Variants in ABHD12 observed in about 807,000 individuals in gnomAD.
ABHD12 encodes abhydrolase domain containing 12, lysophospholipase, also known as lysophosphatidylserine lipase ABHD12.
In ABHD12, 43 loss-of-function variants were observed where a neutral mutation model predicts 58.3. The ratio of observed to expected loss-of-function variants is 0.74; its 90% CI spans 0.58 to 0.95. ABHD12 has a LOEUF of 0.95. Ranked by LOEUF, ABHD12 falls within the 40% of genes least tolerant of loss-of-function variation. The pLI, the probability that ABHD12 is intolerant of heterozygous loss-of-function variation, is 0.00. For missense variants in ABHD12, 539 were observed against 537.2 expected (o/e 1.00, Z -0.03); for synonymous variants, 219 against 211.2 (o/e 1.04, Z -0.32).
intron 12 of ABHD12, 127 bp from the exon 13 acceptor site, chr20:25,301,011 G>A (rs555199616): frequency 3.1e-6 from 3 of 975,166 alleles, no homozygotes; most frequent in Non-Finnish European, 4.7e-6. Flanking sequence ...AGCCCCATGA[G>A]GATGCGCTGT....
intron 1 of ABHD12, among the ~76,000 whole-genome samples, chr20:25,360,680 C>G (rs4815406): frequency 0.54 from 82,147 of 151,938 alleles, 22,777 homozygotes; most frequent in Admixed American, 0.61. Flanking sequence ...ACCAATACCA[C>G]ATTAGAAGCT....
chr20:25,308,434 C>CT (rs763844952), intron 8 of ABHD12, 23 bp downstream of exon 8: 1 of 1,609,586 alleles, frequency 6.2e-7, no homozygotes, highest in Admixed American at 1.7e-5. Flanking sequence ...ACTGCCACGG[C>CT]TGGGGCCCAA....
At chr20:25,315,051 C>G in intron 5 of ABHD12, 81 bp from the exon 6 acceptor site, 1 of 1,400,770 alleles carries the variant, frequency 7.1e-7, no homozygotes. Context: ...CTAAACTCAT[C>G]CAACTTTCTC....
exon 13 of ABHD12, chr20:25,294,969 T>C (rs2088517692): frequency 1.2e-6 from 2 of 1,614,202 alleles, no homozygotes. Context: ...CCTGTTGGCT[T>C]CAGTCACACC....
chr20:25,320,047 G>T, intron 4 of ABHD12, 152 bp downstream of exon 4: 4 of 1,066,006 alleles, frequency 3.8e-6, no homozygotes, highest in Non-Finnish European at 5.4e-6. Flanking sequence ...CTTCGTTCTT[G>T]GGAGGCTCTC....
intron 3 of ABHD12, 109 bp from the exon 4 acceptor site, chr20:25,320,427 T>C (rs2089045255): frequency 1.4e-6 from 2 of 1,473,596 alleles, no homozygotes; most frequent in Non-Finnish European, 1.9e-6. Context: ...AGCAGGGAGC[T>C]GCAGACCCCA....
intron 1 of ABHD12, among the ~76,000 whole-genome samples, chr20:25,368,927 A>G (rs1177377738): frequency 1.3e-5 from 2 of 152,162 alleles, no homozygotes; most frequent in African/African-American, 4.8e-5. Context: ...GTTTGGGACC[A>G]GCTTGGGCAA....
downstream of ABHD12, chr20:25,296,219 C>G: frequency 2.1e-6 from 2 of 966,824 alleles, no homozygotes; most frequent in Non-Finnish European, 3.1e-6. Context: ...CCCTTTTCAA[C>G]GAACAAGTGA....
In ABHD12 at chr20:25,367,022, G is replaced by T. The variant is rs1010521657; in HGVS notation, c.191+23491C>A. Among the ~76,000 whole-genome samples, 3 of 152,054 alleles carry T rather than the reference G, an allele frequency of 2.0e-5. No homozygotes were observed. The East Asian group carries it at 5.8e-4, about 29-fold the overall frequency. Reference sequence around the variant, plus strand: ...TGTATATTTTTTCATCTGAACTTCAGAATCAGCTTGTATTGAACAAGAGAG... The same window carrying T: ...TGTATATTTTTTCATCTGAACTTCATAATCAGCTTGTATTGAACAAGAGAG... On this transcript the variant is annotated intron_variant, in intron 1 of 12. Transcript: ENST00000339157.
intron 1 of ABHD12, among the ~76,000 whole-genome samples, chr20:25,362,610 G>C (rs868017358): frequency 6.9e-6 from 1 of 144,236 alleles, no homozygotes; most frequent in Non-Finnish European, 1.5e-5. Context: ...GGGGAGGGGA[G>C]GGAAGGACAG....
At chr20:25,335,841 A>C (rs1052500242) in intron 2 of ABHD12, among the ~76,000 whole-genome samples, 1 of 146,702 alleles carries the variant, frequency 6.8e-6, no homozygotes, top group Admixed American at 6.8e-5. Context: ...TAGCATTGGG[A>C]GATATACCTA....
chr20:25,343,719 T>A (rs1415480022), intron 1 of ABHD12, among the ~76,000 whole-genome samples: 2 of 152,068 alleles, frequency 1.3e-5, no homozygotes, highest in Non-Finnish European at 2.9e-5. Flanking sequence ...CAGGAGAACC[T>A]GGGAGGCGGA....
intron 1 of ABHD12, among the ~76,000 whole-genome samples, chr20:25,360,304 G>C (rs1239057843): frequency 1.5e-5 from 2 of 132,704 alleles, no homozygotes; most frequent in Non-Finnish European, 3.1e-5. Context: ...GCAGTGGTGC[G>C]ATCTCGGCTC....
intron 6 of ABHD12, among the ~76,000 whole-genome samples, chr20:25,312,712 GC>G (rs2088875944): frequency 6.6e-6 from 1 of 151,580 alleles, no homozygotes; most frequent in Non-Finnish European, 1.5e-5. Flanking sequence ...CTTCCCGGCC[GC>G]CATCCCATCT....
rs1005256855 is a variant in ABHD12, at chr20:25,344,296, T to C, written c.192-4945A>G. Among the ~76,000 whole-genome samples, 7 of 152,346 alleles carry C rather than the reference T, an allele frequency of 4.6e-5. No homozygotes were observed. The South Asian group carries it at 6.2e-4, about 14-fold the overall frequency. ...ACTTTGCAGATCACATGACTGTCTA[T>C]GTATGTAGAAGATCTAAAACTTGGA... On this transcript the variant is annotated intron_variant, in intron 1 of 12. Transcript: ENST00000339157.
At chr20:25,325,024 G>A (rs543836448) in intron 2 of ABHD12, among the ~76,000 whole-genome samples, 52 of 151,544 alleles carry the variant, frequency 3.4e-4, no homozygotes, top group Non-Finnish European at 7.1e-4. Flanking sequence ...TGGGCAACAC[G>A]GCAAAACCCC....
At chr20:25,374,524 G>A (rs546469497) in intron 1 of ABHD12, among the ~76,000 whole-genome samples, 7 of 151,930 alleles carry the variant, frequency 4.6e-5, no homozygotes, top group East Asian at 2.0e-4. Context: ...ATGGAATTTC[G>A]CTCTTGTTGC....
intron 6 of ABHD12, among the ~76,000 whole-genome samples, chr20:25,314,360 TAA>T (rs538371827): frequency 6.6e-6 from 1 of 152,056 alleles, no homozygotes; most frequent in South Asian, 2.1e-4. Context: ...CTCTGCAGTC[TAA>T]AAAAGACAGT....
At chr20:25,311,082 T>G (rs989217101) in intron 6 of ABHD12, among the ~76,000 whole-genome samples, 1 of 152,222 alleles carries the variant, frequency 6.6e-6, no homozygotes, top group South Asian at 2.1e-4. Context: ...ACTGTCATCC[T>G]GATGGAACTT....
Sources: allele counts gnomAD v4.1 joint callset (sites outside exome capture counted in the v4.1 genomes callset), GRCh38; gene constraint gnomAD v4.1.1; transcripts MANE v1.5; gene names NCBI Gene and HGNC (gene_info 2026-07-23, HGNC 2026-07-21).